The following TENM2 variants were observed in gnomAD, a reference collection of about 807,000 sequenced individuals.
TENM2 encodes the protein teneurin transmembrane protein 2, also known as teneurin-2.
TENM2 carries 52 observed loss-of-function variants against 245.2 expected under a neutral mutation model. The ratio of observed to expected loss-of-function variants is 0.21; its 90% CI spans 0.17 to 0.27. The LOEUF (loss-of-function observed/expected upper bound fraction) is 0.27, where lower values mean the gene tolerates loss of function less well. Ranked by LOEUF, TENM2 falls within the 10% of genes least tolerant of loss-of-function variation. TENM2 has a pLI of 1.00. For synonymous variants in TENM2, 1,363 were observed against 1,438.9 expected (o/e 0.95, Z 1.19); for missense variants, 3,046 against 3,666.8 (o/e 0.83, Z 4.37).
At chr5:168,187,181 A>G (rs902321818) in intron 13 of TENM2, 4 of 152,210 alleles carry the variant, frequency 2.6e-5, no homozygotes, top group African/African-American at 9.6e-5. Flanking sequence ...TGATGTGCTT[A>G]GGCCATCTCC....
chr5:167,449,329 T>C (rs1765420537), intron 2 of TENM2, among the ~76,000 whole-genome samples: 1 of 152,146 alleles, frequency 6.6e-6, no homozygotes, highest in South Asian at 2.1e-4. Flanking sequence ...GCTGACAACA[T>C]GATAATGAGG....
chr5:167,634,844 A>G (rs1012660551), intron 2 of TENM2, among the ~76,000 whole-genome samples: 4 of 152,126 alleles, frequency 2.6e-5, no homozygotes, highest in African/African-American at 9.7e-5. Context: ...AGATGAGTGG[A>G]ATTGGAGAGG....
At chr5:167,190,351 TC>T in the TENM2 span, among the ~76,000 whole-genome samples, 1 of 152,008 alleles carries the variant, frequency 6.6e-6, no homozygotes, top group African/African-American at 2.4e-5. Context: ...AAGGTGAAGG[TC>T]CCCTCTACCT....
intron 2 of TENM2, among the ~76,000 whole-genome samples, chr5:167,444,607 C>T (rs978979308): frequency 3.9e-5 from 6 of 152,054 alleles, no homozygotes; most frequent in African/African-American, 1.2e-4. Context: ...ATGAATAAAA[C>T]CAGATTCCTC....
At chr5:167,400,908 G>A (rs1762329738) in intron 2 of TENM2, among the ~76,000 whole-genome samples, 1 of 152,094 alleles carries the variant, frequency 6.6e-6, no homozygotes, top group African/African-American at 2.4e-5. Context: ...TCTAAAGTGA[G>A]GTCCTTGTAG....
the TENM2 span, among the ~76,000 whole-genome samples, chr5:167,038,701 CT>C: frequency 6.6e-6 from 1 of 152,180 alleles, no homozygotes; most frequent in East Asian, 1.9e-4. Flanking sequence ...AGACTAGTTT[CT>C]TTTCACCTTA....
rs142686691 is a variant in TENM2, at chr5:168,087,674, A to G, written c.1516-2900A>G. ...ATTTGGCCTGACCTGGGAAGGAAGA[A>G]GGGCAGTAGTTCTGAAGTCCTTACT... On this transcript the variant is annotated intron_variant, in intron 7 of 28. Coordinates refer to ENST00000518659, the Ensembl canonical transcript of TENM2. Among the ~76,000 whole-genome samples the G allele has an allele frequency of 3.9e-3, 593 of 152,102 alleles. 3 individuals are homozygous for G. Among genetic ancestry groups the G allele is most frequent in the African/African-American group, 0.014 (569 of 41,484 alleles).
intron 2 of TENM2, among the ~76,000 whole-genome samples, chr5:167,445,919 T>G (rs1231123877): frequency 1.3e-5 from 2 of 152,170 alleles, no homozygotes; most frequent in African/African-American, 4.8e-5. Context: ...TTCTTGGTGC[T>G]TATGTACGTG....
At chr5:167,751,976 A>G (rs1259137257) in intron 2 of TENM2, among the ~76,000 whole-genome samples, 5 of 150,510 alleles carry the variant, frequency 3.3e-5, no homozygotes, top group East Asian at 1.9e-4. Context: ...ACACACACAC[A>G]TGCGCGCACA....
the TENM2 span, among the ~76,000 whole-genome samples, chr5:167,233,637 T>G: frequency 6.6e-6 from 1 of 152,072 alleles, no homozygotes; most frequent in Non-Finnish European, 1.5e-5. Flanking sequence ...AAGAAAATGC[T>G]TGTTAACATA....
At chr5:168,154,327 CT>C (rs1756959930) in intron 12 of TENM2, among the ~76,000 whole-genome samples, 1 of 152,050 alleles carries the variant, frequency 6.6e-6, no homozygotes, top group African/African-American at 2.4e-5. Flanking sequence ...AGCAATTCTC[CT>C]GCCTCAGCCT....
At chr5:167,587,549 G>A (rs914835786) in intron 2 of TENM2, among the ~76,000 whole-genome samples, 9 of 152,168 alleles carry the variant, frequency 5.9e-5, no homozygotes, top group African/African-American at 2.2e-4. Flanking sequence ...CCTGGAGACA[G>A]CTGTGTCCTG....
chr5:167,846,183 AG>A (rs1365135406), intron 2 of TENM2, among the ~76,000 whole-genome samples: 4 of 152,168 alleles, frequency 2.6e-5, no homozygotes, highest in African/African-American at 4.8e-5. Flanking sequence ...CCCTCACTGA[AG>A]TGTGGATTCC....
intron 2 of TENM2, among the ~76,000 whole-genome samples, chr5:167,399,870 G>A (rs1038383683): frequency 2.0e-5 from 3 of 151,670 alleles, no homozygotes; most frequent in African/African-American, 7.3e-5. Context: ...GAAGAACATT[G>A]TTCTTGTAAA....
At chr5:167,137,856 A>C in the TENM2 span, among the ~76,000 whole-genome samples, 1 of 152,226 alleles carries the variant, frequency 6.6e-6, no homozygotes, top group Non-Finnish European at 1.5e-5. Context: ...AGAATCTTTC[A>C]TTAAAGACCA....
chr5:168,124,577 T>C (rs1195722803), intron 10 of TENM2, among the ~76,000 whole-genome samples: 1 of 152,270 alleles, frequency 6.6e-6, no homozygotes, highest in Non-Finnish European at 1.5e-5. Flanking sequence ...CTTCTATATC[T>C]GACTTCTAAT....
chr5:168,204,097 A>C (rs1256139297), intron 18 of TENM2, among the ~76,000 whole-genome samples: 1 of 151,868 alleles, frequency 6.6e-6, no homozygotes, highest in Non-Finnish European at 1.5e-5. Context: ...TGCAACCTCG[A>C]CTTCCCGGGC....
At chr5:167,059,715 T>G in the TENM2 span, among the ~76,000 whole-genome samples, 1 of 59,994 alleles carries the variant, frequency 1.7e-5, no homozygotes, top group African/African-American at 1.5e-4. Flanking sequence ...TGTCTTTTTT[T>G]TTTTTTTGAT....
In TENM2 at chr5:167,480,718, A is replaced by G. The variant is rs188532073; in HGVS notation, c.502+105245A>G. ...CACTTTTCAGCTTCTTTAAGCTTCT[A>G]TCAAGTATTTTCTTGCTCAAAATTC... On this transcript the variant is annotated intron_variant, in intron 2 of 28. Transcript: ENST00000518659. Among the ~76,000 whole-genome samples, 9 of 152,280 alleles carry G rather than the reference A, an allele frequency of 5.9e-5. No individual in the cohort carries two copies. In the East Asian group the frequency reaches 1.5e-3, roughly 26 times the overall value.
Sources: gnomAD v4.1 joint callset for allele counts (sites outside exome capture counted in the v4.1 genomes callset) on GRCh38, gnomAD v4.1.1 for gene constraint, MANE v1.5 for transcripts, NCBI Gene and HGNC (gene_info 2026-07-23, HGNC 2026-07-21) for gene names.